Variants in DPP6 observed in about 807,000 individuals in gnomAD.
DPP6 encodes A-type potassium channel modulatory protein DPP6.
A neutral mutation model predicts 122.6 loss-of-function variants in DPP6; 69 were observed. The observed-to-expected ratio is 0.56, with a 90% CI of 0.46 to 0.69. DPP6 has a LOEUF of 0.69. DPP6 is among the 30% of genes least tolerant of loss of function. DPP6 has a pLI of 0.00. For synonymous variants in DPP6, 418 were observed against 433.1 expected, an observed-to-expected ratio of 0.97 and a Z score of 0.43; for missense variants, 928 against 1,116.9, an observed-to-expected ratio of 0.83 and a Z score of 2.41.
chr7:154,515,545 G>A (rs1475953717), intron 3 of DPP6, among the ~76,000 whole-genome samples: 4 of 151,632 alleles, frequency 2.6e-5, no homozygotes, highest in Non-Finnish European at 5.9e-5. Context: ...GTGCGCTCTC[G>A]GCTCACTGCA....
rs548053204 is a variant in DPP6, at chr7:154,433,136, G to GTTTTTTTT, written c.244-13058_244-13051dup. Among the ~76,000 whole-genome samples, 127 of 72,344 alleles carry GTTTTTTTT rather than the reference G, an allele frequency of 1.8e-3. 21 individuals are homozygous for GTTTTTTTT. The highest frequency in any genetic ancestry group is 7.0e-3 in the African/African-American group (118 of 16,822). The allele number at this position is 72,344 out of a possible 152,430, so 47.5% of individuals were successfully genotyped here. Reference sequence around the variant, plus strand: ...TAATGGCTCTCATACTAGACTGCAAGTTTTTTTTTTTTTTTTTTTTTTTTT... The same window carrying GTTTTTTTT: ...TAATGGCTCTCATACTAGACTGCAAGTTTTTTTTTTTTTTTTTTTTTTTTTTTTTTTTT... On this transcript the variant is annotated intron_variant, in intron 1 of 25. Transcript: ENST00000377770.
At chr7:154,303,731 C>T (rs80209092) in intron 1 of DPP6, among the ~76,000 whole-genome samples, 2,944 of 152,224 alleles carry the variant, frequency 0.019, 79 homozygotes, top group African/African-American at 0.066. Flanking sequence ...CCTGGCCGAA[C>T]CATGCAAGCT....
At chr7:154,838,425 A>G (rs896622564) in intron 16 of DPP6, 2 of 152,240 alleles carry the variant, frequency 1.3e-5, no homozygotes, top group Non-Finnish European at 2.9e-5. Context: ...CACATTTTGC[A>G]GATTAAAGAA....
chr7:154,318,038 T>C (rs1368596227), intron 1 of DPP6, among the ~76,000 whole-genome samples: 1 of 152,220 alleles, frequency 6.6e-6, no homozygotes, highest in Admixed American at 6.5e-5. Flanking sequence ...TAACTTTTAG[T>C]GATATGGTAG....
At chr7:154,424,019 TGGA>T (rs1817694612) in intron 1 of DPP6, among the ~76,000 whole-genome samples, 1 of 152,194 alleles carries the variant, frequency 6.6e-6, no homozygotes, top group South Asian at 2.1e-4. Context: ...CCCACCAATG[TGGA>T]CACATATATG....
At chr7:153,933,405 G>A (rs1801266007) in intron 1 of DPP6, among the ~76,000 whole-genome samples, 1 of 152,150 alleles carries the variant, frequency 6.6e-6, no homozygotes, top group Non-Finnish European at 1.5e-5. Context: ...TCCAATTTGG[G>A]TAAACCTTTG....
At chr7:154,521,684 T>C (rs1050475809) in intron 3 of DPP6, among the ~76,000 whole-genome samples, 1 of 152,214 alleles carries the variant, frequency 6.6e-6, no homozygotes, top group Admixed American at 6.5e-5. Flanking sequence ...TGTGATTATT[T>C]TTTTGAAAGT....
At chr7:154,663,282 G>A (rs1837887057) in intron 6 of DPP6, among the ~76,000 whole-genome samples, 1 of 54,150 alleles carries the variant, frequency 1.8e-5, no homozygotes, top group African/African-American at 3.9e-5. Context: ...TATAGTCATG[G>A]TGAATCACCA....
chr7:154,563,431 T>A (rs1404469997), intron 4 of DPP6, among the ~76,000 whole-genome samples: 1 of 152,152 alleles, frequency 6.6e-6, no homozygotes. Context: ...AGGGGAGCGA[T>A]GTGATTTACA....
intron 1 of DPP6, among the ~76,000 whole-genome samples, chr7:154,140,487 T>A (rs1367816441): frequency 7.9e-5 from 12 of 152,174 alleles, no homozygotes; most frequent in African/African-American, 2.9e-4. Flanking sequence ...TTTATTTACT[T>A]TTTTTATATT....
At chr7:153,995,315 G>A (rs562900590) in intron 1 of DPP6, among the ~76,000 whole-genome samples, 4 of 152,284 alleles carry the variant, frequency 2.6e-5, no homozygotes, top group South Asian at 2.1e-4. Context: ...GGCTGGGCGC[G>A]GTGGCTTATG....
intron 7 of DPP6, among the ~76,000 whole-genome samples, chr7:154,718,256 G>A (rs1841602651): frequency 1.3e-5 from 2 of 151,392 alleles, no homozygotes; most frequent in Admixed American, 1.3e-4. Context: ...TTAGTTTACT[G>A]TAATCGCCTT....
intron 1 of DPP6, among the ~76,000 whole-genome samples, chr7:154,000,803 T>C (rs1054081777): frequency 2.0e-5 from 3 of 152,126 alleles, no homozygotes; most frequent in Non-Finnish European, 2.9e-5. Context: ...CTGCGACCTC[T>C]CTTTTCTAGG....
chr7:153,815,016 A>G, the DPP6 span, among the ~76,000 whole-genome samples: 1 of 152,332 alleles, frequency 6.6e-6, no homozygotes. Context: ...TGAATGGACA[A>G]AAACTGGAAG....
chr7:153,795,016 A>T, the DPP6 span, among the ~76,000 whole-genome samples: 104 of 152,306 alleles, frequency 6.8e-4, no homozygotes, highest in African/African-American at 2.5e-3. Flanking sequence ...CTTTATCAGC[A>T]GCGTGAAAAT....
intron 4 of DPP6, among the ~76,000 whole-genome samples, chr7:154,560,721 A>G (rs898797529): frequency 2.8e-4 from 42 of 152,070 alleles, no homozygotes; most frequent in African/African-American, 9.2e-4. Flanking sequence ...CATCTCTGCT[A>G]AAAATATAAA....
intron 7 of DPP6, among the ~76,000 whole-genome samples, chr7:154,713,154 C>T (rs570394757): frequency 3.3e-5 from 5 of 152,342 alleles, no homozygotes; most frequent in South Asian, 2.1e-4. Context: ...ATGTGTTTCA[C>T]GTCTAGGTCA....
intron 1 of DPP6, among the ~76,000 whole-genome samples, chr7:154,132,273 G>A (rs61441838): frequency 0.017 from 2,520 of 152,134 alleles, 56 homozygotes; most frequent in African/African-American, 0.058. Context: ...CCCTTGGCTC[G>A]CTAAATATAT....
At chr7:153,944,663 G>GTTT (rs769081715) in intron 1 of DPP6, among the ~76,000 whole-genome samples, 9,625 of 101,824 alleles carry the variant, frequency 0.095, 587 homozygotes, top group Non-Finnish European at 0.14. Flanking sequence ...TTTTTGTGTG[G>GTTT]GTTTTTTTTT....
Sources: allele counts gnomAD v4.1 joint callset (sites outside exome capture counted in the v4.1 genomes callset), GRCh38; gene constraint gnomAD v4.1.1; transcripts MANE v1.5; gene names NCBI Gene and HGNC (gene_info 2026-07-23, HGNC 2026-07-21).